CPQ: variants seen among roughly 807,000 people sequenced by gnomAD.
CPQ encodes carboxypeptidase Q, also known as Ser-Met dipeptidase.
Under a neutral mutation model 45.7 loss-of-function variants are expected in CPQ, and 37 were observed. The observed-to-expected ratio is 0.81, with a 90% CI of 0.62 to 1.07. The LOEUF (loss-of-function observed/expected upper bound fraction) is 1.07. Among genes scored for constraint, CPQ ranks in the 50% least tolerant of loss-of-function variants. The probability of loss-of-function intolerance (pLI) is 0.00; values close to 1 mark genes in which losing one functional copy is unlikely to be tolerated. For missense variants in CPQ, 537 were observed against 572.9 expected (o/e 0.94, Z 0.64); for synonymous variants, 186 against 205.8 (o/e 0.90, Z 0.82).
chr8:96,977,994 G>T (rs1000043590), intron 5 of CPQ, among the ~76,000 whole-genome samples: 13 of 152,068 alleles, frequency 8.5e-5, no homozygotes, highest in Non-Finnish European at 1.8e-4. Flanking sequence ...TTTTTTAAAA[G>T]AATTTGTTCC....
chr8:96,854,842 G>A (rs942465637), intron 3 of CPQ, among the ~76,000 whole-genome samples: 5 of 152,122 alleles, frequency 3.3e-5, no homozygotes, highest in African/African-American at 1.2e-4. Context: ...TGGAGACCAA[G>A]GAAGAGTTGA....
chr8:96,713,319 C>T (rs1809637653), intron 1 of CPQ, among the ~76,000 whole-genome samples: 1 of 152,208 alleles, frequency 6.6e-6, no homozygotes, highest in African/African-American at 2.4e-5. Context: ...AAAGTCGCTT[C>T]CACATTTTCA....
At chr8:97,012,435 T>A (rs1442174430) in intron 5 of CPQ, among the ~76,000 whole-genome samples, 1 of 152,156 alleles carries the variant, frequency 6.6e-6, no homozygotes, top group Non-Finnish European at 1.5e-5. Context: ...GAAAAAAATT[T>A]AATAGATTGG....
chr8:96,758,125 G>A (rs770225671), intron 1 of CPQ, among the ~76,000 whole-genome samples: 6 of 152,100 alleles, frequency 3.9e-5, no homozygotes, highest in Non-Finnish European at 1.5e-5. Flanking sequence ...CTAAATAACT[G>A]TGCTTCCACT....
chr8:96,680,926 C>T (rs1809142040), intron 1 of CPQ, among the ~76,000 whole-genome samples: 1 of 152,078 alleles, frequency 6.6e-6, no homozygotes, highest in South Asian at 2.1e-4. Flanking sequence ...CATTTTGCCC[C>T]TGCCCGAGAG....
At chr8:96,910,695 G>A (rs917340033) in intron 4 of CPQ, among the ~76,000 whole-genome samples, 3 of 152,082 alleles carry the variant, frequency 2.0e-5, no homozygotes, top group Admixed American at 6.6e-5. Context: ...TAGTAGAGAC[G>A]GGGTTTCACC....
chr8:96,729,044 T>C (rs1258324639), intron 1 of CPQ, among the ~76,000 whole-genome samples: 2 of 152,234 alleles, frequency 1.3e-5, no homozygotes, highest in Non-Finnish European at 2.9e-5. Context: ...TACTTATATG[T>C]AGGGAGAAGA....
At chr8:97,058,789 G>C (rs1177464317) in intron 6 of CPQ, among the ~76,000 whole-genome samples, 2 of 152,138 alleles carry the variant, frequency 1.3e-5, no homozygotes, top group South Asian at 2.1e-4. Context: ...GTGAGCTCTT[G>C]AGTCCCACTA....
At chr8:96,945,792 T>C (rs933147996) in intron 4 of CPQ, among the ~76,000 whole-genome samples, 10 of 152,190 alleles carry the variant, frequency 6.6e-5, no homozygotes, top group African/African-American at 2.4e-4. Context: ...TAGGGAGAAG[T>C]CTCCATTAAC....
chr8:96,790,727 C>G (rs555927329), intron 2 of CPQ, among the ~76,000 whole-genome samples: 1 of 152,140 alleles, frequency 6.6e-6, no homozygotes, highest in Non-Finnish European at 1.5e-5. Flanking sequence ...CAGACTCTTA[C>G]TGTTCTCATC....
chr8:96,772,107 G>C (rs1353855850), intron 1 of CPQ, among the ~76,000 whole-genome samples: 5 of 152,068 alleles, frequency 3.3e-5, no homozygotes, highest in Non-Finnish European at 7.4e-5. Flanking sequence ...CTTTAGAAGA[G>C]AGATAACTGT....
chr8:96,662,132 T>C (rs901400646), intron 1 of CPQ, among the ~76,000 whole-genome samples: 2 of 152,250 alleles, frequency 1.3e-5, no homozygotes, highest in Non-Finnish European at 2.9e-5. Flanking sequence ...TTGGGTTGTT[T>C]GTTTTCTTGT....
intron 1 of CPQ, among the ~76,000 whole-genome samples, chr8:96,674,814 A>C (rs770665246): frequency 1.2e-4 from 18 of 152,060 alleles, no homozygotes; most frequent in Non-Finnish European, 5.9e-5. Context: ...GTAAAGAAAA[A>C]CCTTTTGATG....
intron 1 of CPQ, among the ~76,000 whole-genome samples, chr8:96,717,908 G>A (rs555527940): frequency 2.0e-5 from 3 of 152,178 alleles, no homozygotes; most frequent in African/African-American, 7.2e-5. Flanking sequence ...GGGAGTAGCA[G>A]GTGACAGTAA....
chr8:97,041,217 T>G (rs948818290), intron 6 of CPQ, among the ~76,000 whole-genome samples: 41 of 152,178 alleles, frequency 2.7e-4, no homozygotes, highest in African/African-American at 9.9e-4. Flanking sequence ...GTAAGTTGGA[T>G]TCCTAGGTAT....
At chr8:97,014,578 G>T (rs1809547379) in intron 5 of CPQ, among the ~76,000 whole-genome samples, 1 of 150,254 alleles carries the variant, frequency 6.7e-6, no homozygotes, top group Admixed American at 6.6e-5. Context: ...GGAGTCGGAG[G>T]TTGCAGTGAG....
intron 7 of CPQ, among the ~76,000 whole-genome samples, chr8:97,130,862 A>G (rs1811942242): frequency 6.6e-6 from 1 of 151,914 alleles, no homozygotes; most frequent in East Asian, 1.9e-4. Flanking sequence ...TCACTGCATA[A>G]TGATTTATAG....
chr8:97,130,847 T>C (rs904261437), intron 7 of CPQ, among the ~76,000 whole-genome samples: 2 of 152,196 alleles, frequency 1.3e-5, no homozygotes, highest in African/African-American at 4.8e-5. Context: ...TGCCTATTCA[T>C]TCCCTCACTG....
chr8:97,090,113 C>A (rs1162816038), intron 7 of CPQ, among the ~76,000 whole-genome samples: 1 of 152,188 alleles, frequency 6.6e-6, no homozygotes, highest in Non-Finnish European at 1.5e-5. Context: ...AAGGATAACA[C>A]TGAGGTTACT....
Sources: allele counts gnomAD v4.1 joint callset (sites outside exome capture counted in the v4.1 genomes callset), GRCh38; gene constraint gnomAD v4.1.1; transcripts MANE v1.5; gene names NCBI Gene and HGNC (gene_info 2026-07-23, HGNC 2026-07-21).